EIF2AK4: variants seen among roughly 807,000 people sequenced by gnomAD.
EIF2AK4 encodes eIF-2-alpha kinase GCN2.
In EIF2AK4, 139 loss-of-function variants were observed where a neutral mutation model predicts 211.1. The observed-to-expected ratio is 0.66, with a 90% CI of 0.57 to 0.76. EIF2AK4 has a LOEUF of 0.76. EIF2AK4 is among the 30% of genes least tolerant of loss of function. EIF2AK4 has a pLI of 0.00. For synonymous variants in EIF2AK4, 710 were observed against 751.3 expected (o/e 0.94, Z 0.90); for missense variants, 1,664 against 2,043.8 (o/e 0.81, Z 3.58).
intron 13 of EIF2AK4, among the ~76,000 whole-genome samples, chr15:39,980,155 T>C (rs938031309): frequency 2.0e-5 from 3 of 152,238 alleles, no homozygotes; most frequent in African/African-American, 7.2e-5. Flanking sequence ...TCAACGTCAA[T>C]GTACCCTAGA....
chr15:39,953,982 C>T lies in EIF2AK4; in HGVS notation c.592C>T (p.Gln198Ter), dbSNP rs1173516192. The part of the protein sequence containing the change: ...EEKKRKEMAK[Q>*]ERLEIASLSN... ...GAAAAAAAGGAAAGAAATGGCTAAGCAGGTACCCTATCAACTCCACCATAA... is the reference window on the plus strand; with the variant it reads ...GAAAAAAAGGAAAGAAATGGCTAAGTAGGTACCCTATCAACTCCACCATAA... Residue 198 changes from glutamine (Q) to a stop codon, truncating the protein, a stop_gained and splice_region_variant, in exon 5 of 39, where the codon CAG becomes TAG. Transcript: ENST00000263791. LOFTEE classifies it high-confidence loss of function. 1 of 1,583,114 alleles carries T rather than the reference C, an allele frequency of 6.3e-7. No homozygotes were observed.
Position 39,965,791 on chromosome 15 carries a change from G to T in EIF2AK4, c.965G>T (p.Gly322Val), listed in dbSNP as rs1273719305. ...GTCCTTCAGTGGCAGAAAAAAATGG[G>T]TCCATTCCTTACCAGTCAAGAAAAA... Reference protein sequence around the residue: ...EWVLQWQKKMGPFLTSQEKEK... With the variant: ...EWVLQWQKKMVPFLTSQEKEK... Residue 322 changes from glycine (G) to valine (V), a missense_variant, in exon 8 of 39, where the codon GGT (glycine) becomes GTT (valine). Physicochemically the swap from Gly to Val is moderately radical, Grantham distance 109. Transcript: ENST00000263791. 1 of 1,614,094 alleles carries T rather than the reference G, an allele frequency of 6.2e-7. No individual in the cohort carries two copies.
intron 36 of EIF2AK4, 149 bp from the exon 37 acceptor site, chr15:40,032,608 T>C: frequency 3.0e-6 from 2 of 677,740 alleles, no homozygotes; most frequent in Non-Finnish European, 5.0e-6. Context: ...TAAGATCTTA[T>C]CACTGCACAG....
At chr15:39,938,147 C>T (rs1245803347) in intron 1 of EIF2AK4, among the ~76,000 whole-genome samples, 2 of 152,086 alleles carry the variant, frequency 1.3e-5, no homozygotes, top group Admixed American at 1.3e-4. Flanking sequence ...TTTGTTTTCC[C>T]CCACCAGACT....
Position 40,016,777 on chromosome 15 carries a change from C to A in EIF2AK4, c.3930+105C>A, listed in dbSNP as rs1343758579. ...TAATGCTAGTTAGTGTTTTATTTTT[C>A]CAGAAAAACTGCTTTCTGTGTTTTG... On this transcript the variant is annotated intron_variant, in intron 28 of 38. Coordinates refer to ENST00000263791, the MANE Select transcript of EIF2AK4 (RefSeq NM_001013703.4). 2.9e-6 allele frequency: 4 copies of A among 1,386,836 alleles called. No individual in the cohort carries two copies. In the African/African-American group the frequency reaches 5.8e-5, roughly 20 times the overall value. The allele number at this position is 1,386,836 out of a possible 1,614,324, so 85.9% of individuals were successfully genotyped here. A position where few individuals can be genotyped will look rare whatever the true frequency, so the allele number is the denominator to read the frequency against.
intron 27 of EIF2AK4, 54 bp from the exon 28 acceptor site, chr15:40,016,448 G>A: frequency 1.2e-6 from 2 of 1,608,662 alleles, no homozygotes; most frequent in Non-Finnish European, 1.7e-6. Context: ...TCGGTGCAAA[G>A]GGAGTCTTCC....
chr15:40,026,386 G>A (rs1003843077), intron 33 of EIF2AK4, among the ~76,000 whole-genome samples: 3 of 152,204 alleles, frequency 2.0e-5, no homozygotes, highest in Non-Finnish European at 2.9e-5. Flanking sequence ...GAGCCCAGGA[G>A]GTCAAGGCTG....
At chr15:39,990,482 C>G in intron 16 of EIF2AK4, 105 bp downstream of exon 16, 2 of 964,736 alleles carry the variant, frequency 2.1e-6, no homozygotes, top group East Asian at 2.4e-5. Flanking sequence ...ACTATGCCGT[C>G]TAATCCTCAG....
At chr15:40,026,989 T>C (rs1386410692) in intron 33 of EIF2AK4, among the ~76,000 whole-genome samples, 2 of 152,210 alleles carry the variant, frequency 1.3e-5, no homozygotes, top group African/African-American at 4.8e-5. Context: ...AAAAATTATT[T>C]CAGGATCCCA....
chr15:39,971,744 A>G (rs1483961853), intron 9 of EIF2AK4, among the ~76,000 whole-genome samples: 1 of 152,064 alleles, frequency 6.6e-6, no homozygotes, highest in Non-Finnish European at 1.5e-5. Context: ...TTAAAAAAAA[A>G]GGCCAGCTTA....
chr15:39,990,375 T>C lies in EIF2AK4; in HGVS notation c.2629T>C (p.Ser877Pro), dbSNP rs1444801970. 2 of 1,613,256 alleles carry C rather than the reference T, an allele frequency of 1.2e-6. No homozygotes were observed. The highest frequency in any genetic ancestry group is 1.7e-6 in the Non-Finnish European group (2 of 1,179,420). ...TTTGGCGACAGACCATCTAGCCTTTTCTGTAAGTATTTTAAAAATTAGACT... is the reference window on the plus strand; with the variant it reads ...TTTGGCGACAGACCATCTAGCCTTTCCTGTAAGTATTTTAAAAATTAGACT... The part of the protein sequence containing the change: ...FGLATDHLAF[S>P]ADSKQDDQTG... Residue 877 changes from serine (S) to proline (P), a missense_variant and splice_region_variant, in exon 16 of 39, where the codon TCT (serine) becomes CCT (proline). Around this residue, in one of 7 missense-constraint regions of EIF2AK4, gnomAD observed 622 missense variants for 796.8 expected, o/e 0.78. Coordinates refer to ENST00000263791, the MANE Select transcript of EIF2AK4 (RefSeq NM_001013703.4).
At chr15:39,979,101 A>G (rs1189952938) in intron 13 of EIF2AK4, among the ~76,000 whole-genome samples, 3 of 152,300 alleles carry the variant, frequency 2.0e-5, no homozygotes, top group Non-Finnish European at 2.9e-5. Flanking sequence ...AAACACACAG[A>G]CACCTTATAC....
At chr15:39,995,496 C>T (rs2035006816) in intron 18 of EIF2AK4, among the ~76,000 whole-genome samples, 1 of 152,188 alleles carries the variant, frequency 6.6e-6, no homozygotes, top group African/African-American at 2.4e-5. Flanking sequence ...TCCTCAGATG[C>T]ACTCCCTTCC....
chr15:39,955,476 C>G, intron 5 of EIF2AK4, 144 bp from the exon 6 acceptor site: 1 of 777,158 alleles, frequency 1.3e-6, no homozygotes, highest in Non-Finnish European at 2.0e-6. Context: ...CTATTTTAAA[C>G]GATTAAAAGT....
chr15:39,935,822 C>G (rs552659023), intron 1 of EIF2AK4, among the ~76,000 whole-genome samples: 1 of 152,304 alleles, frequency 6.6e-6, no homozygotes, highest in Non-Finnish European at 1.5e-5. Context: ...AGACAAAAAT[C>G]CTTGCCCTCA....
chr15:39,967,091 T>G (rs576116411), intron 8 of EIF2AK4, among the ~76,000 whole-genome samples: 1 of 152,330 alleles, frequency 6.6e-6, no homozygotes, highest in African/African-American at 2.4e-5. Flanking sequence ...ATTAGAGAAG[T>G]TGAGAATTAG....
At chr15:40,018,820 A>G (rs2035343939) in intron 29 of EIF2AK4, among the ~76,000 whole-genome samples, 1 of 152,164 alleles carries the variant, frequency 6.6e-6, no homozygotes, top group Non-Finnish European at 1.5e-5. Context: ...GCATGTGTCA[A>G]TTTGGATTAG....
At chr15:40,008,230 C>T (rs1243085005) in intron 25 of EIF2AK4, 35 bp downstream of exon 25, 8 of 1,550,872 alleles carry the variant, frequency 5.2e-6, no homozygotes, top group Non-Finnish European at 7.0e-6. Flanking sequence ...CAAGATTCCC[C>T]ACTATATTTC....
At chr15:39,935,685 C>T (rs536939462) in intron 1 of EIF2AK4, among the ~76,000 whole-genome samples, 157 of 152,256 alleles carry the variant, frequency 1.0e-3, no homozygotes, top group Non-Finnish European at 1.4e-3. Flanking sequence ...TCTACACATC[C>T]AGGATTTCCT....
Sources: gnomAD v4.1 joint callset for allele counts (sites outside exome capture counted in the v4.1 genomes callset) on GRCh38, gnomAD v4.1.1 for gene constraint, gnomAD v4.1.1 regional missense constraint, MANE v1.5 for transcripts, NCBI Gene and HGNC (gene_info 2026-07-23, HGNC 2026-07-21) for gene names.